Variants in C11orf65 observed in about 807,000 individuals in gnomAD.
C11orf65 encodes the protein chromosome 11 open reading frame 65.
In C11orf65, 38 loss-of-function variants were observed where a neutral mutation model predicts 35.3. The ratio of observed to expected loss-of-function variants is 1.08; its 90% CI spans 0.83 to 1.41. The LOEUF (loss-of-function observed/expected upper bound fraction) is 1.41, where lower values mean the gene tolerates loss of function less well. C11orf65 is among the 40% of genes most tolerant of loss of function. The pLI is 0.00. For missense variants in C11orf65, 370 were observed against 367.1 expected, an observed-to-expected ratio of 1.01 and a Z score of -0.06; for synonymous variants, 105 against 114.4, an observed-to-expected ratio of 0.92 and a Z score of 0.53.
chr11:108,455,618 C>A (rs1030163824), intron 2 of C11orf65, among the ~76,000 whole-genome samples: 1 of 150,982 alleles, frequency 6.6e-6, no homozygotes, highest in Non-Finnish European at 1.5e-5. Context: ...GAGTTCGAGA[C>A]CAGACTGACC....
downstream of C11orf65, chr11:108,331,154 C>T (rs2086193995): frequency 9.0e-7 from 1 of 1,115,640 alleles, no homozygotes; most frequent in South Asian, 2.5e-5. Context: ...ACTCAGATCA[C>T]ATTTGTCTTC....
At chr11:108,458,735 G>A (rs1199206355) in intron 2 of C11orf65, among the ~76,000 whole-genome samples, 2 of 152,100 alleles carry the variant, frequency 1.3e-5, no homozygotes, top group African/African-American at 2.4e-5. Context: ...ACTAGGTAAT[G>A]TTTGCAGATG....
At chr11:108,416,878 C>A (rs1202404686) in intron 3 of C11orf65, among the ~76,000 whole-genome samples, 2 of 152,040 alleles carry the variant, frequency 1.3e-5, no homozygotes, top group African/African-American at 4.8e-5. Flanking sequence ...CCATAAGATC[C>A]ATCAATAGAG....
chr11:108,329,308 G>T, downstream of C11orf65: 1 of 1,357,246 alleles, frequency 7.4e-7, no homozygotes, highest in Non-Finnish European at 1.0e-6. Context: ...TGCATAGAAA[G>T]AGTGACTTGG....
At chr11:108,439,719 G>C (rs2093120157) in intron 2 of C11orf65, among the ~76,000 whole-genome samples, 1 of 152,102 alleles carries the variant, frequency 6.6e-6, no homozygotes, top group African/African-American at 2.4e-5. Context: ...AAATAAGCCA[G>C]ATACAAAAAG....
intron 7 of C11orf65, among the ~76,000 whole-genome samples, chr11:108,386,481 G>A (rs745942985): frequency 1.3e-5 from 2 of 152,152 alleles, no homozygotes; most frequent in South Asian, 2.1e-4. Flanking sequence ...TCCAGAACAC[G>A]TTAAGAGATA....
intron 2 of C11orf65, among the ~76,000 whole-genome samples, chr11:108,438,346 G>A (rs1351842579): frequency 6.6e-6 from 1 of 151,936 alleles, no homozygotes; most frequent in Non-Finnish European, 1.5e-5. Context: ...GAGGTCAGGA[G>A]TTTGAGACCA....
intron 6 of C11orf65, among the ~76,000 whole-genome samples, chr11:108,317,693 A>C (rs2084864592): frequency 7.0e-6 from 1 of 143,130 alleles, no homozygotes; most frequent in African/African-American, 2.6e-5. Context: ...TATACATACC[A>C]TATATATAGT....
intron 2 of C11orf65, chr11:108,365,239 G>C (rs1217928560): frequency 6.2e-7 from 1 of 1,614,170 alleles, no homozygotes; most frequent in Non-Finnish European, 8.5e-7. Flanking sequence ...TTTTAAGAAG[G>C]TCCTGTTGTC....
intron 6 of C11orf65, among the ~76,000 whole-genome samples, chr11:108,394,425 G>C (rs1447382553): frequency 6.6e-6 from 1 of 152,098 alleles, no homozygotes; most frequent in Non-Finnish European, 1.5e-5. Context: ...AATTTTTAAA[G>C]AAATTGTTCA....
chr11:108,379,888 G>A (rs1427603531), downstream of C11orf65, among the ~76,000 whole-genome samples: 1 of 152,048 alleles, frequency 6.6e-6, no homozygotes. Context: ...TCTCAAAAAG[G>A]GGTAATATTT....
intron 2 of C11orf65, among the ~76,000 whole-genome samples, chr11:108,359,647 C>G (rs2090466384): frequency 6.6e-6 from 1 of 152,170 alleles, no homozygotes; most frequent in South Asian, 2.1e-4. Context: ...GAATCTCACT[C>G]AAAACCGCTC....
chr11:108,340,356 T>C (rs948313058), intron 2 of C11orf65: 6 of 152,202 alleles, frequency 3.9e-5, no homozygotes, highest in African/African-American at 1.4e-4. Context: ...AACATTTCAG[T>C]GTGTAGATCT....
At chr11:108,413,489 C>A (rs778155424) in intron 3 of C11orf65, among the ~76,000 whole-genome samples, 1 of 152,184 alleles carries the variant, frequency 6.6e-6, no homozygotes, top group African/African-American at 2.4e-5. Flanking sequence ...AATCTGACTT[C>A]TTATTTTCCC....
At chr11:108,447,804 T>C (rs1020949739) in intron 2 of C11orf65, among the ~76,000 whole-genome samples, 4 of 151,620 alleles carry the variant, frequency 2.6e-5, no homozygotes, top group African/African-American at 9.7e-5. Context: ...CTGAAGGAAA[T>C]AGAGACACAA....
chr11:108,448,416 C>T (rs1166198476), intron 2 of C11orf65, among the ~76,000 whole-genome samples: 2 of 152,210 alleles, frequency 1.3e-5, no homozygotes, highest in Non-Finnish European at 2.9e-5. Flanking sequence ...TCCAGCAGCA[C>T]ATCAAAAAGC....
At chr11:108,428,030 C>T (rs1189226895) in intron 3 of C11orf65, among the ~76,000 whole-genome samples, 4 of 150,748 alleles carry the variant, frequency 2.7e-5, no homozygotes, top group African/African-American at 4.9e-5. Context: ...CGGGTTTCAC[C>T]GTTTTAGCCG....
chr11:108,387,574 C>T (rs1375326902), intron 7 of C11orf65, among the ~76,000 whole-genome samples: 1 of 152,180 alleles, frequency 6.6e-6, no homozygotes, highest in East Asian at 1.9e-4. Context: ...GTCTCCCAGG[C>T]TGCAGTGCAC....
intron 2 of C11orf65, among the ~76,000 whole-genome samples, chr11:108,341,364 TA>T (rs2087549635): frequency 1.3e-5 from 2 of 152,252 alleles, no homozygotes; most frequent in East Asian, 3.9e-4. Context: ...TTTTTAAACT[TA>T]AGTTTTGTTC....
Sources: gnomAD v4.1 joint callset for allele counts (sites outside exome capture counted in the v4.1 genomes callset) on GRCh38, gnomAD v4.1.1 for gene constraint, MANE v1.5 for transcripts, NCBI Gene and HGNC (gene_info 2026-07-23, HGNC 2026-07-21) for gene names.